TAF5: variants seen among roughly 807,000 people sequenced by gnomAD.
TAF5 encodes TATA-box binding protein associated factor 5, also known as transcription initiation factor TFIID subunit 5.
In TAF5, 20 loss-of-function variants were observed where a neutral mutation model predicts 80.9. The observed-to-expected ratio is 0.25, with a 90% CI of 0.17 to 0.36. The LOEUF is 0.36. Among genes scored for constraint, TAF5 ranks in the 10% least tolerant of loss-of-function variants. TAF5 has a pLI of 1.00. For missense variants in TAF5, 863 were observed against 1,029.4 expected (o/e 0.84, Z 2.21); for synonymous variants, 388 against 406.4 (o/e 0.95, Z 0.55).
chr10:103,370,325 C>CTTTTT (rs758002426), intron 1 of TAF5, among the ~76,000 whole-genome samples: 4 of 88,940 alleles, frequency 4.5e-5, no homozygotes, highest in Admixed American at 2.9e-4. Context: ...GGTTATGAGG[C>CTTTTT]TTTTTTTTTT....
At chr10:103,371,584 C>G (rs1320162592) in intron 1 of TAF5, among the ~76,000 whole-genome samples, 2 of 152,130 alleles carry the variant, frequency 1.3e-5, no homozygotes, top group Non-Finnish European at 2.9e-5. Flanking sequence ...TAAATACTTA[C>G]GTTTTCTGTT....
chr10:103,373,313 G>A, intron 1 of TAF5, 45 bp from the exon 2 acceptor site: 2 of 1,529,716 alleles, frequency 1.3e-6, no homozygotes, highest in African/African-American at 2.7e-5. Context: ...TAGTCACATG[G>A]TCATAATAGG....
In TAF5 at chr10:103,373,355, T is replaced by C. The variant is rs544372153; in HGVS notation, c.560-3T>C. The C allele has an allele frequency of 9.9e-6, 16 of 1,610,560 alleles. No individual in the cohort carries two copies. The highest frequency in any genetic ancestry group is 1.7e-4 in the Middle Eastern group (1 of 6,030). ...TCTTAAAAGTTTTTTGTTTTTTAAA[T>C]AGTTGGAAGTGTTGCTGTGGAAGAC... is the stretch of plus-strand genomic sequence containing the variant. On this transcript the variant is annotated splice_region_variant and splice_polypyrimidine_tract_variant and intron_variant, in intron 1 of 10. Coordinates refer to ENST00000369839, the MANE Select transcript of TAF5 (RefSeq NM_006951.5).
Position 103,368,316 on chromosome 10 carries a change from C to T in TAF5, c.327C>T (p.Leu109=), listed in dbSNP as rs1346704901. 2 of 1,584,282 alleles carry T rather than the reference C, an allele frequency of 1.3e-6. No individual in the cohort carries two copies. The highest frequency in any genetic ancestry group is 1.7e-5 in the Admixed American group (1 of 57,674). The change falls in exon 1 of 11, where the codon CTC becomes CTT. Residue 109 remains leucine (L), a synonymous_variant. Transcript: ENST00000369839. ...AVLQFLRQSK[L]REAEEALRRE... is the part of the protein sequence containing the mutation. ...TGCAGTTCCTACGGCAGAGCAAACT[C>T]CGCGAGGCCGAAGAGGCGCTGCGCC...
At chr10:103,386,254 C>T (rs1445286546) in intron 8 of TAF5, among the ~76,000 whole-genome samples, 1 of 151,788 alleles carries the variant, frequency 6.6e-6, no homozygotes, top group Non-Finnish European at 1.5e-5. Context: ...GCCTGGCCAA[C>T]ATGACGAAAC....
chr10:103,370,077 C>A (rs993118124), intron 1 of TAF5, among the ~76,000 whole-genome samples: 6 of 150,840 alleles, frequency 4.0e-5, no homozygotes, highest in Non-Finnish European at 8.9e-5. Flanking sequence ...ACTAGAAATA[C>A]AAAAATTAGC....
intron 6 of TAF5, among the ~76,000 whole-genome samples, chr10:103,382,658 A>AC (rs2093385625): frequency 6.7e-6 from 1 of 150,048 alleles, no homozygotes; most frequent in South Asian, 2.1e-4. Flanking sequence ...TTAATTTTAA[A>AC]TTTTTTTTAG....
At chr10:103,387,727 A>C (rs1459372215) in intron 10 of TAF5, 29 bp downstream of exon 10, 2 of 1,590,756 alleles carry the variant, frequency 1.3e-6, no homozygotes, top group Non-Finnish European at 1.7e-6. Context: ...CTTTACGATA[A>C]ATGCTATGTT....
Position 103,378,667 on chromosome 10 carries a change from T to C in TAF5, c.1113+117T>C, listed in dbSNP as rs2093375098. 8.0e-6 allele frequency: 10 copies of C among 1,256,188 alleles called. No individual in the cohort carries two copies. The highest frequency in any genetic ancestry group is 1.1e-5 in the Non-Finnish European group (10 of 925,198). The allele number at this position is 1,256,188 out of a possible 1,614,324, so 77.8% of individuals were successfully genotyped here. On this transcript the variant is annotated intron_variant, in intron 3 of 10. Transcript: ENST00000369839. This position sits in a 1 kb window ranked among gnomAD's most constrained non-coding sequence, Gnocchi z 4.1. ...GCTTGGAAACAATTTTTTTCGTTTG[T>C]TTGTTTTGAGACGGAGTTTTGCTCT...
rs931530179 is a variant in TAF5, at chr10:103,387,300, G to A, written c.1955G>A (p.Arg652Gln). ...VATGSADRTV[R>Q]LWDVLNGNCV... The stretch of plus-strand genomic sequence containing the variant: ...ACGGGCTCTGCAGACAGAACTGTGC[G>A]GCTCTGGGACGTCCTGAATGGTAAC... The change falls in exon 9 of 11, where the codon CGG becomes CAG. Residue 652 changes from arginine (R) to glutamine (Q), a missense_variant. Coordinates refer to ENST00000369839, the MANE Select transcript of TAF5 (RefSeq NM_006951.5). 3 of 1,613,966 alleles carry A rather than the reference G, an allele frequency of 1.9e-6. No individual in the cohort carries two copies. Among genetic ancestry groups the A allele is most frequent in the Non-Finnish European group, 2.5e-6 (3 of 1,180,036 alleles).
intron 7 of TAF5, among the ~76,000 whole-genome samples, chr10:103,383,954 C>CT (rs140392430): frequency 0.16 from 23,343 of 148,644 alleles, 2,278 homozygotes; most frequent in Non-Finnish European, 0.23. Context: ...TAGTATTTCC[C>CT]TTTTTTTTTT....
chr10:103,381,260 TTTA>T (rs577824594), intron 5 of TAF5, among the ~76,000 whole-genome samples: 2 of 151,478 alleles, frequency 1.3e-5, no homozygotes, highest in Non-Finnish European at 2.9e-5. Flanking sequence ...AACTTAGTAT[TTTA>T]TTTTATTATT....
intron 8 of TAF5, 105 bp from the exon 9 acceptor site, chr10:103,387,070 A>T (rs1253036532): frequency 1.4e-5 from 13 of 924,222 alleles, no homozygotes; most frequent in Non-Finnish European, 1.8e-5. Flanking sequence ...CCCACTCAGA[A>T]CTAACTTTTT....
rs1474438796 is a variant in TAF5 at position 103,380,046 on chromosome 10, G to T, written c.1413+27G>T. ...TTGGTAAAAAAATTGGGCGATTTCT[G>T]CCTGGAGAGTCATGTAGGATGATGA... On this transcript the variant is annotated intron_variant, in intron 5 of 10. Transcript: ENST00000369839. 6.2e-6 allele frequency: 10 copies of T among 1,605,912 alleles called. No homozygotes were observed. In the Admixed American group the frequency reaches 1.7e-4, roughly 27 times the overall value.
rs923532531 is a variant in TAF5 at position 103,368,450 on chromosome 10, C to T, written c.461C>T (p.Ser154Leu). 2 of 1,582,468 alleles carry T rather than the reference C, an allele frequency of 1.3e-6. No homozygotes were observed. The highest frequency in any genetic ancestry group is 1.4e-5 in the African/African-American group (1 of 74,058). ...GCGCTTCTCAGCCGGGTGACCGCCT[C>T]GGCCCCTGGCCCTGCGGCCCCCGAC... ...TSALLSRVTA[S>L]APGPAAPDPP... The change falls in exon 1 of 11, where the codon TCG becomes TTG. Residue 154 changes from serine to leucine, a missense_variant. By Grantham distance (145) the Ser-to-Leu change is moderately radical (BLOSUM62 -2). Coordinates refer to ENST00000369839, the MANE Select transcript of TAF5 (RefSeq NM_006951.5).
In TAF5 at chr10:103,368,015, C is replaced by A. The variant is rs1035145538; in HGVS notation, c.26C>A (p.Thr9Lys). Reference protein sequence around the residue: MAALAEEQTEVAVKLEPEG... With the variant: MAALAEEQKEVAVKLEPEG... ...ATGGCGGCGCTGGCGGAGGAGCAGA[C>A]GGAGGTGGCGGTCAAGCTAGAGCCT... is the stretch of plus-strand genomic sequence containing the variant. The change falls in exon 1 of 11, where the codon ACG becomes AAG. Residue 9 changes from threonine (T) to lysine (K), a missense_variant. Around this residue, in one of 3 missense-constraint regions of TAF5, gnomAD observed 367 missense variants for 335.5 expected, o/e 1.09. Coordinates refer to ENST00000369839, the MANE Select transcript of TAF5 (RefSeq NM_006951.5). 9.6e-6 allele frequency: 14 copies of A among 1,465,218 alleles called. No homozygotes were observed. Among genetic ancestry groups the A allele is most frequent in the Non-Finnish European group, 1.3e-5 (14 of 1,114,674 alleles). 90.8% of individuals were successfully genotyped at this position (1,465,218 alleles called of 1,614,324 possible).
In TAF5 at chr10:103,368,432, T is replaced by C; in HGVS notation, c.443T>C (p.Leu148Pro). 1 of 1,578,404 alleles carries C rather than the reference T, an allele frequency of 6.3e-7. No homozygotes were observed. Among genetic ancestry groups the C allele is most frequent in the Non-Finnish European group, 8.5e-7 (1 of 1,171,558 alleles). ...GGCGCTGAGGTGACCAGCGCGCTTCTCAGCCGGGTGACCGCCTCGGCCCCT... is the reference window on the plus strand; with the variant it reads ...GGCGCTGAGGTGACCAGCGCGCTTCCCAGCCGGGTGACCGCCTCGGCCCCT... ...SAGAEVTSAL[L>P]SRVTASAPGP... is the part of the protein sequence containing the mutation. Residue 148 changes from leucine (L) to proline (P), a missense_variant, in exon 1 of 11, where the codon CTC (leucine) becomes CCC (proline). Physicochemically the swap from Leu to Pro is moderately conservative, Grantham distance 98. Around this residue, in one of 3 missense-constraint regions of TAF5, gnomAD observed 367 missense variants for 335.5 expected, o/e 1.09. Transcript: ENST00000369839.
At position 103,383,372 on chromosome 10, in the gene TAF5, A is replaced by G; in HGVS notation, c.1664+5A>G. The G allele has an allele frequency of 6.3e-7, 1 of 1,578,410 alleles. No individual in the cohort carries two copies. The highest frequency in any genetic ancestry group is 2.3e-5 in the East Asian group (1 of 43,904). On this transcript the variant is annotated splice_donor_5th_base_variant and intron_variant, in intron 7 of 10. Transcript: ENST00000369839. ...AGCCAGCTTCAGTCCGGATAGGTAA[A>G]ATACAAACAATAAAAATTAAATACT...
intron 10 of TAF5, 56 bp downstream of exon 10, chr10:103,387,754 G>A: frequency 2.6e-6 from 4 of 1,521,764 alleles, no homozygotes; most frequent in South Asian, 2.4e-5. Flanking sequence ...AAACAGTGTT[G>A]ACGACTGCAA....
Sources: gnomAD v4.1 joint callset for allele counts (sites outside exome capture counted in the v4.1 genomes callset) on GRCh38, gnomAD v4.1.1 for gene constraint, gnomAD v4.1.1 regional missense constraint, Gnocchi (gnomAD v3.1) non-coding constraint, MANE v1.5 for transcripts, NCBI Gene and HGNC (gene_info 2026-07-23, HGNC 2026-07-21) for gene names.